Variants in FRMPD4 observed in about 807,000 individuals in gnomAD.
The protein encoded by FRMPD4 is FERM and PDZ domain-containing protein 4.
In FRMPD4, 22 loss-of-function variants were observed where a neutral mutation model predicts 94.1. The ratio of observed to expected loss-of-function variants is 0.23; its 90% CI spans 0.17 to 0.33. FRMPD4 has a LOEUF of 0.33. FRMPD4 is among the 10% of genes least tolerant of loss of function. FRMPD4 has a pLI of 1.00. For synonymous variants in FRMPD4, 631 were observed against 548.6 expected (o/e 1.15, Z -2.10); for missense variants, 1,111 against 1,339.9 (o/e 0.83, Z 2.67).
chrX:12,058,713 A>G (rs768627523), intron 3 of FRMPD4, among the ~76,000 whole-genome samples: 1 of 111,230 alleles, frequency 9.0e-6, no homozygotes, highest in Non-Finnish European at 1.9e-5. Flanking sequence ...GCATTTAGCG[A>G]CTATTTCATT....
chrX:11,928,473 G>A (rs1221710227), intron 3 of FRMPD4, among the ~76,000 whole-genome samples: 5 of 111,945 alleles, frequency 4.5e-5, no homozygotes, highest in East Asian at 2.8e-4. Context: ...GGGGAAAACC[G>A]TGCCCATGAT....
intron 3 of FRMPD4, among the ~76,000 whole-genome samples, chrX:12,042,155 T>C (rs1169608603): frequency 9.0e-6 from 1 of 110,596 alleles, no homozygotes; most frequent in African/African-American, 3.3e-5. Context: ...ATAGCTACTT[T>C]GAAGTCTTTG....
intron 1 of FRMPD4, among the ~76,000 whole-genome samples, chrX:12,430,798 T>A (rs1312378913): frequency 8.9e-6 from 1 of 112,657 alleles, no homozygotes; most frequent in Non-Finnish European, 1.9e-5. Context: ...TTAAAATTTG[T>A]TAAACATTAT....
chrX:12,072,919 T>A (rs1223996608), intron 3 of FRMPD4, among the ~76,000 whole-genome samples: 2 of 107,471 alleles, frequency 1.9e-5, no homozygotes, highest in South Asian at 3.9e-4. Context: ...CTTCTATTAT[T>A]TATATATATA....
intron 3 of FRMPD4, among the ~76,000 whole-genome samples, chrX:12,106,579 G>A (rs780579712): frequency 7.2e-5 from 8 of 111,390 alleles, no homozygotes; most frequent in Non-Finnish European, 1.3e-4. Context: ...GCAGCCCACC[G>A]AGCATGAGCT....
intron 3 of FRMPD4, among the ~76,000 whole-genome samples, chrX:12,012,139 T>C (rs1421126896): frequency 3.6e-5 from 4 of 111,450 alleles, no homozygotes; most frequent in African/African-American, 1.3e-4. Flanking sequence ...GACCTCGTGA[T>C]CCACCTGCCT....
chrX:12,669,920 C>A (rs889731127), intron 4 of FRMPD4, among the ~76,000 whole-genome samples: 3 of 111,991 alleles, frequency 2.7e-5, no homozygotes, highest in African/African-American at 9.7e-5. Flanking sequence ...CATGTTTAAG[C>A]CACTAAGTTT....
At chrX:12,399,314 G>T (rs1179579990) in intron 1 of FRMPD4, among the ~76,000 whole-genome samples, 1 of 111,798 alleles carries the variant, frequency 8.9e-6, no homozygotes, top group Non-Finnish European at 1.9e-5. Context: ...GATGGATGTA[G>T]ATATATGTAG....
At chrX:12,663,172 A>T (rs1400997650) in intron 4 of FRMPD4, among the ~76,000 whole-genome samples, 1 of 111,858 alleles carries the variant, frequency 8.9e-6, no homozygotes, top group African/African-American at 3.3e-5. Flanking sequence ...CTCTGATGAT[A>T]GTTTCTTTTG....
At chrX:12,634,113 G>A (rs1377408933) in intron 4 of FRMPD4, among the ~76,000 whole-genome samples, 3 of 111,691 alleles carry the variant, frequency 2.7e-5, no homozygotes, top group African/African-American at 6.5e-5. Flanking sequence ...AACAACTAAG[G>A]CAAAATTTCT....
chrX:12,330,530 G>A (rs2055355923), intron 1 of FRMPD4, among the ~76,000 whole-genome samples: 1 of 111,687 alleles, frequency 9.0e-6, no homozygotes, highest in Non-Finnish European at 1.9e-5. Context: ...GGCATTGAAA[G>A]TCTGGGCATC....
chrX:12,446,558 G>A (rs2057197154), intron 1 of FRMPD4, among the ~76,000 whole-genome samples: 1 of 111,477 alleles, frequency 9.0e-6, no homozygotes, highest in Non-Finnish European at 1.9e-5. Flanking sequence ...GGAGATAATG[G>A]AATCATGGGG....
intron 3 of FRMPD4, among the ~76,000 whole-genome samples, chrX:12,122,267 G>T (rs1298973199): frequency 9.0e-6 from 1 of 111,688 alleles, no homozygotes; most frequent in South Asian, 3.8e-4. Context: ...GTACCAAACA[G>T]CCTAAAATTT....
chrX:12,720,487 G>A, intron 16 of FRMPD4, 47 bp from the exon 17 acceptor site: 1 of 1,183,518 alleles, frequency 8.4e-7, no homozygotes. Context: ...TGACCTCCCA[G>A]GAGATGCTTA....
At chrX:11,873,217 G>A (rs755206999) in intron 2 of FRMPD4, among the ~76,000 whole-genome samples, 1 of 110,624 alleles carries the variant, frequency 9.0e-6, no homozygotes, top group African/African-American at 3.3e-5. Flanking sequence ...TTTCTATTCA[G>A]TATTTTATTG....
At chrX:12,701,763 C>T (rs2060193224) in intron 9 of FRMPD4, 111 bp from the exon 10 acceptor site, 1 of 811,468 alleles carries the variant, frequency 1.2e-6, no homozygotes, top group African/African-American at 2.0e-5. Context: ...AGCCTCCTTG[C>T]CTGGGAAGTG....
At chrX:12,226,670 T>G (rs2056926433) in intron 1 of FRMPD4, among the ~76,000 whole-genome samples, 1 of 111,387 alleles carries the variant, frequency 9.0e-6, no homozygotes, top group Non-Finnish European at 1.9e-5. Flanking sequence ...TGTCAATTTC[T>G]TGAGCCCCCA....
intron 2 of FRMPD4, among the ~76,000 whole-genome samples, chrX:12,567,063 G>A (rs1223716019): frequency 9.0e-6 from 1 of 110,569 alleles, no homozygotes; most frequent in Non-Finnish European, 1.9e-5. Flanking sequence ...TTTCCTCTTT[G>A]CCCTAGTGTG....
chrX:12,180,129 C>T (rs761307758), intron 1 of FRMPD4, among the ~76,000 whole-genome samples: 2 of 111,143 alleles, frequency 1.8e-5, no homozygotes, highest in Non-Finnish European at 3.8e-5. Flanking sequence ...GGTCTGAATC[C>T]TCTAATGCTG....
Sources: allele counts gnomAD v4.1 joint callset (sites outside exome capture counted in the v4.1 genomes callset), GRCh38; gene constraint gnomAD v4.1.1; transcripts MANE v1.5; gene names NCBI Gene and HGNC (gene_info 2026-07-23, HGNC 2026-07-21).